Variants in TTN observed in about 807,000 individuals in gnomAD.
The protein encoded by TTN is connectin.
A neutral mutation model predicts 3,223.0 loss-of-function variants in TTN; 1,525 were observed. That is an observed-to-expected ratio of 0.47 (90% CI 0.45 to 0.49). TTN has a LOEUF of 0.49. TTN is among the 20% of genes least tolerant of loss of function. The pLI is 0.00. For missense variants in TTN, 40,786 were observed against 43,424.0 expected (o/e 0.94, Z 5.40); for synonymous variants, 14,094 against 15,161.0 (o/e 0.93, Z 5.17).
chr2:178,544,555 G>A (rs1341863347), intron 344 of TTN, 49 bp from the exon 345 acceptor site: 1 of 1,487,068 alleles, frequency 6.7e-7, no homozygotes, highest in Non-Finnish European at 9.1e-7. Flanking sequence ...ATAAGGAAAT[G>A]TTGAGATTTG....
At position 178,721,011 on chromosome 2, in the gene TTN, C is replaced by T; in HGVS notation, c.23008G>A (p.Glu7670Lys). Residue 7670 changes from glutamate (E) to lysine (K), a missense_variant, in exon 79 of 363, where the codon GAA becomes AAA. By Grantham distance (56) the Glu-to-Lys change is moderately conservative. Transcript: ENST00000589042. ...TCCCCGCTGTCTTCAGCACTAGCTTCATTGATCGTAAGCAATGCCACAGAA... is the reference window on the plus strand; with the variant it reads ...TCCCCGCTGTCTTCAGCACTAGCTTTATTGATCGTAAGCAATGCCACAGAA... ...INSVALLTIN[E>K]ASAEDSGDYI... is the part of the protein sequence containing the mutation. 6.2e-7 allele frequency: 1 copy of T among 1,613,312 alleles called. No individual in the cohort carries two copies. Among genetic ancestry groups the T allele is most frequent in the Non-Finnish European group, 8.5e-7 (1 of 1,179,390 alleles).
intron 138 of TTN, 135 bp from the exon 139 acceptor site, chr2:178,680,466 A>G (rs1469483017): frequency 9.3e-6 from 7 of 752,680 alleles, no homozygotes; most frequent in Non-Finnish European, 1.3e-5. Context: ...TTCATCTTTA[A>G]GAAACTATAT....
chr2:178,663,842 T>A lies in TTN; in HGVS notation c.36425A>T (p.Glu12142Val), dbSNP rs768245340. The change falls in exon 170 of 363, where the codon GAG becomes GTG. Residue 12142 changes from glutamate to valine, a missense_variant. By Grantham distance (121) the Glu-to-Val change is moderately radical. Coordinates refer to ENST00000589042, the MANE Select transcript of TTN (RefSeq NM_001267550.2). Reference protein sequence around the residue: ...EEKVPLAPPKEPEVPPVKVPE... With the variant: ...EEKVPLAPPKVPEVPPVKVPE... ...ACCTTTAACAGGTGGGACTTCAGGC[T>A]CTTTAGGAGGAGCCAAGGGCACTTT... The A allele has an allele frequency of 3.7e-6, 6 of 1,613,452 alleles. No individual in the cohort carries two copies. The East Asian group carries it at 1.3e-4, about 36-fold the overall frequency.
Position 178,564,706 on chromosome 2 carries a change from C to T in TTN, c.81426G>A (p.Glu27142=), listed in dbSNP as rs1705035423. 1 of 1,613,342 alleles carries T rather than the reference C, an allele frequency of 6.2e-7. No homozygotes were observed. The highest frequency in any genetic ancestry group is 1.3e-5 in the African/African-American group (1 of 75,032). The change falls in exon 326 of 363, where the codon GAG becomes GAA. Residue 27142 remains glutamate (E), a synonymous_variant. Coordinates refer to ENST00000589042, the MANE Select transcript of TTN (RefSeq NM_001267550.2). ...TTTCAGCAGAAACTTTGAACTCATA[C>T]TCAAGGCCCTCATCAAGCCCAGTTG... is the stretch of plus-strand genomic sequence containing the variant. ...FKTTGLDEGL[E]YEFKVSAENI...
Position 178,615,575 on chromosome 2 carries a change from A to G in TTN, c.48460+66T>C, listed in dbSNP as rs1000076477. The G allele has an allele frequency of 2.5e-6, 4 of 1,609,830 alleles. No homozygotes were observed. The African/African-American group carries it at 5.4e-5, about 22-fold the overall frequency. On this transcript the variant is annotated intron_variant, in intron 258 of 362. Coordinates refer to ENST00000589042, the MANE Select transcript of TTN (RefSeq NM_001267550.2). ...AACCCCTGCCTTGCCCCATAACTTC[A>G]ACTCTAGGTCTAAAAGCAAAAACAG...
chr2:178,617,984 C>T lies in TTN; in HGVS notation c.47367G>A (p.Glu15789=), dbSNP rs1489155974. ...TTAATTCAATGACGTAGTTTGTGAT[C>T]TCAGCACCTCCATCATACTCTGGTG... ...WEPPEYDGGA[E]ITNYVIELRD... is the part of the protein sequence containing the mutation. The change falls in exon 253 of 363, where the codon GAG becomes GAA. Residue 15789 remains glutamate, a synonymous_variant. Coordinates refer to ENST00000589042, the MANE Select transcript of TTN (RefSeq NM_001267550.2). The T allele has an allele frequency of 6.2e-7, 1 of 1,612,650 alleles. No homozygotes were observed. The highest frequency in any genetic ancestry group is 2.2e-5 in the East Asian group (1 of 44,682).
chr2:178,530,728 G>A lies in TTN; in HGVS notation c.105887C>T (p.Ala35296Val). ...PKITQFLKAE[A>V]SKEIAKLTCV... ...GGTCAGTTTTGCAATCTCTTTAGAA[G>A]CTTCTGCTTTCAGGAACTGAGTAAT... Residue 35296 changes from alanine to valine, a missense_variant, in exon 358 of 363, where the codon GCT becomes GTT. Ala to Val is a moderately conservative substitution (Grantham distance 64). Coordinates refer to ENST00000589042, the MANE Select transcript of TTN (RefSeq NM_001267550.2). The A allele has an allele frequency of 6.2e-7, 1 of 1,613,916 alleles. No individual in the cohort carries two copies. Among genetic ancestry groups the A allele is most frequent in the Non-Finnish European group, 8.5e-7 (1 of 1,179,870 alleles).
intron 281 of TTN, 84 bp downstream of exon 281, chr2:178,604,624 C>G: frequency 7.1e-7 from 1 of 1,409,274 alleles, no homozygotes; most frequent in Non-Finnish European, 9.5e-7. Context: ...GTTTAATTAT[C>G]AAATTCCAAG....
intron 112 of TTN, among the ~76,000 whole-genome samples, chr2:178,698,249 A>G (rs890577143): frequency 6.8e-6 from 1 of 147,468 alleles, no homozygotes; most frequent in Non-Finnish European, 1.5e-5. Context: ...GAATGGGGAA[A>G]TGTTGGTCAA....
intron 239 of TTN, 128 bp from the exon 240 acceptor site, chr2:178,629,571 C>T: frequency 7.3e-7 from 1 of 1,376,680 alleles, no homozygotes; most frequent in Non-Finnish European, 1.0e-6. Flanking sequence ...ACTATTTTAA[C>T]TCCCACGTGA....
chr2:178,785,763 G>T (rs1262317342), intron 14 of TTN, 21 bp from the exon 15 acceptor site: 1 of 1,614,004 alleles, frequency 6.2e-7, no homozygotes, highest in East Asian at 2.2e-5. Flanking sequence ...ATGAAACTCA[G>T]TGATACCATT....
In TTN at chr2:178,719,566, C is replaced by T. The variant is rs200395305; in HGVS notation, c.23926G>A (p.Val7976Ile). ...SVGKSNCTVS[V>I]HVSDRIVPPS... is the part of the protein sequence containing the mutation. Reference sequence around the variant, plus strand: ...TCATTCTACTCACCAGAAACATGGACGGATACAGTGCAGTTACTTTTGCCA... The same window carrying T: ...TCATTCTACTCACCAGAAACATGGATGGATACAGTGCAGTTACTTTTGCCA... The change falls in exon 82 of 363, where the codon GTC (valine) becomes ATC (isoleucine). Residue 7976 changes from valine to isoleucine, a missense_variant. Physicochemically the swap from Val to Ile is conservative, Grantham distance 29. Transcript: ENST00000589042. 112 of 1,606,618 alleles carry T rather than the reference C, an allele frequency of 7.0e-5. No homozygotes were observed. The highest frequency in any genetic ancestry group is 3.2e-4 in the African/African-American group (24 of 74,794).
intron 46 of TTN, 72 bp from the exon 47 acceptor site, chr2:178,753,252 G>T: frequency 8.1e-7 from 1 of 1,234,200 alleles, no homozygotes; most frequent in Non-Finnish European, 1.2e-6. Flanking sequence ...TTCATGACTT[G>T]TATGATTAAA....
At position 178,614,368 on chromosome 2, in the gene TTN, T is replaced by G; in HGVS notation, c.49049-20A>C. ...GTTTATCTGTGTATGGCATTACAGATGCAGAAAAAAAAATTGTTCACCATT... is the reference window on the plus strand; with the variant it reads ...GTTTATCTGTGTATGGCATTACAGAGGCAGAAAAAAAAATTGTTCACCATT... On this transcript the variant is annotated intron_variant, in intron 261 of 362. Coordinates refer to ENST00000589042, the MANE Select transcript of TTN (RefSeq NM_001267550.2). 8 of 1,580,436 alleles carry G rather than the reference T, an allele frequency of 5.1e-6. No individual in the cohort carries two copies. Among genetic ancestry groups the G allele is most frequent in the Non-Finnish European group, 4.3e-6 (5 of 1,169,704 alleles).
intron 52 of TTN, 138 bp downstream of exon 52, chr2:178,734,190 C>G (rs2081038489): frequency 1.9e-6 from 2 of 1,064,532 alleles, no homozygotes; most frequent in Non-Finnish European, 1.3e-6. Context: ...TGACTTTGTT[C>G]CCAAGGTCCC....
chr2:178,785,594 C>T, intron 15 of TTN, 26 bp downstream of exon 15: 1 of 1,613,666 alleles, frequency 6.2e-7, no homozygotes, highest in Non-Finnish European at 8.5e-7. Context: ...TTAAACATTT[C>T]TGTATCATGC....
At chr2:178,624,789 A>G in intron 241 of TTN, 58 bp from the exon 242 acceptor site, 1 of 1,583,310 alleles carries the variant, frequency 6.3e-7, no homozygotes, top group Non-Finnish European at 8.6e-7. Flanking sequence ...GAGTTTTGGT[A>G]CCTTCTCAAC....
intron 360 of TTN, 43 bp from the exon 361 acceptor site, chr2:178,528,470 A>T (rs748188264): frequency 6.2e-7 from 1 of 1,603,550 alleles, no homozygotes; most frequent in Admixed American, 1.7e-5. Context: ...AGTTCTTCAG[A>T]TGTGGAAGAC....
Position 178,696,246 on chromosome 2 carries a change from A to C in TTN, c.30826T>G (p.Ser10276Ala), listed in dbSNP as rs778063825. The C allele has an allele frequency of 6.3e-5, 97 of 1,550,486 alleles. No homozygotes were observed. Among genetic ancestry groups the C allele is most frequent in the Non-Finnish European group, 8.3e-5 (95 of 1,150,544 alleles). ...ATTATTTTTACTTCTTCAGCTTTAG[A>C]GGATACATCAATGATTTCAGGAGCT... Reference protein sequence around the residue: ...AKAPEIIDVSSKAEEVKIMTI... With the variant: ...AKAPEIIDVSAKAEEVKIMTI... Residue 10276 changes from serine (S) to alanine (A), a missense_variant, in exon 114 of 363, where the codon TCT (serine) becomes GCT (alanine). Ser to Ala is a moderately conservative substitution (Grantham distance 99). Transcript: ENST00000589042.
Sources: allele counts gnomAD v4.1 joint callset (sites outside exome capture counted in the v4.1 genomes callset), GRCh38; gene constraint gnomAD v4.1.1; transcripts MANE v1.5; gene names NCBI Gene and HGNC (gene_info 2026-07-23, HGNC 2026-07-21).